Variants in SLC26A4 observed in about 807,000 individuals in gnomAD.
SLC26A4 encodes the protein pendrin.
Under a neutral mutation model 90.4 loss-of-function variants are expected in SLC26A4, and 93 were observed. The ratio of observed to expected loss-of-function variants is 1.03; its 90% confidence interval spans 0.87 to 1.22. The LOEUF is 1.22. Among genes scored for constraint, SLC26A4 ranks in the 50% most tolerant of loss-of-function variants. SLC26A4 has a pLI of 0.00. For missense variants in SLC26A4, 1,127 were observed against 946.2 expected (o/e 1.19, Z -2.51); for synonymous variants, 393 against 354.6 (o/e 1.11, Z -1.22).
At chr7:107,714,379 C>T (rs1792282604) in intron 20 of SLC26A4, among the ~76,000 whole-genome samples, 1 of 152,172 alleles carries the variant, frequency 6.6e-6, no homozygotes, top group Admixed American at 6.5e-5. Flanking sequence ...ATAGTGAAAT[C>T]AGGCAGTAAG....
chr7:107,674,848 G>C, intron 5 of SLC26A4, 97 bp from the exon 6 acceptor site: 1 of 1,164,456 alleles, frequency 8.6e-7, no homozygotes, highest in African/African-American at 1.5e-5. Flanking sequence ...CAGGCTACTA[G>C]TGTTTTCATT....
Position 107,661,857 on chromosome 7 carries a change from C to G in SLC26A4, c.164+52C>G. ...GAGAAGCGGAGCGGGGCGTCCACGC[C>G]TTGGGGAGGGAAGGGCGTCCCCAGC... On this transcript the variant is annotated intron_variant, in intron 2 of 20. Transcript: ENST00000644269. The surrounding 1 kb of genome is among the most constrained non-coding windows in gnomAD (Gnocchi z 5.1). 2.6e-6 allele frequency: 4 copies of G among 1,511,310 alleles called. No individual in the cohort carries two copies. The South Asian group carries it at 3.6e-5, about 14-fold the overall frequency. The allele number at this position is 1,511,310 out of a possible 1,614,324, so 93.6% of individuals were successfully genotyped here.
chr7:107,715,294 T>A (rs1245002063), intron 20 of SLC26A4, 129 bp from the exon 21 acceptor site: 2 of 806,268 alleles, frequency 2.5e-6, no homozygotes, highest in Admixed American at 3.5e-5. Flanking sequence ...ATTTCTATTG[T>A]GATGATATAC....
Position 107,661,874 on chromosome 7 carries a change from G to T in SLC26A4, c.164+69G>T, listed in dbSNP as rs560404211. 47 of 1,474,902 alleles carry T rather than the reference G, an allele frequency of 3.2e-5. No homozygotes were observed. Among genetic ancestry groups the T allele is most frequent in the Non-Finnish European group, 3.9e-5 (43 of 1,104,154 alleles). The allele number at this position is 1,474,902 out of a possible 1,614,324, so 91.4% of individuals were successfully genotyped here. ...GTCCACGCCTTGGGGAGGGAAGGGCGTCCCCAGCGGGCGAGAGTGGGGTGC... is the reference window on the plus strand; with the variant it reads ...GTCCACGCCTTGGGGAGGGAAGGGCTTCCCCAGCGGGCGAGAGTGGGGTGC... On this transcript the variant is annotated intron_variant, in intron 2 of 20. Transcript: ENST00000644269. This position sits in a 1 kb window ranked among gnomAD's most constrained non-coding sequence, Gnocchi z 5.1.
chr7:107,710,532 T>C (rs1792154667), intron 19 of SLC26A4, among the ~76,000 whole-genome samples: 1 of 152,244 alleles, frequency 6.6e-6, no homozygotes, highest in South Asian at 2.1e-4. Context: ...CTGGGATTTG[T>C]GTACATAAAT....
intron 20 of SLC26A4, among the ~76,000 whole-genome samples, chr7:107,714,170 C>G (rs1378407220): frequency 1.3e-5 from 2 of 152,082 alleles, no homozygotes; most frequent in Non-Finnish European, 2.9e-5. Context: ...AAGTAATCCA[C>G]CTGCCTTGCC....
chr7:107,690,170 C>T lies in SLC26A4; in HGVS notation c.1196C>T (p.Ser399Phe), dbSNP rs1178472333. ...AGCAACATCTTCTCAGGATTCTTCT[C>T]TTGTTTTGTGGCCACCACTGCTCTT... ...GISNIFSGFF[S>F]CFVATTALSR... is the part of the protein sequence containing the mutation. Residue 399 changes from serine to phenylalanine, a missense_variant, in exon 10 of 21, where the codon TCT becomes TTT. Coordinates refer to ENST00000644269, the MANE Select transcript of SLC26A4 (RefSeq NM_000441.2). 4 of 1,613,592 alleles carry T rather than the reference C, an allele frequency of 2.5e-6. No homozygotes were observed. In the East Asian group the frequency reaches 8.9e-5, roughly 36 times the overall value.
chr7:107,700,284 C>T (rs1479615745), intron 15 of SLC26A4, 109 bp downstream of exon 15: 1 of 695,618 alleles, frequency 1.4e-6, no homozygotes, highest in Non-Finnish European at 2.6e-6. Context: ...ACCCTCTTCC[C>T]TTTGTGTAGG....
chr7:107,693,806 C>A, intron 10 of SLC26A4: 3 of 690,334 alleles, frequency 4.3e-6, no homozygotes, highest in Non-Finnish European at 5.4e-6. Context: ...GTGGAACTGT[C>A]AGAGGAGGCA....
intron 13 of SLC26A4, 93 bp downstream of exon 13, chr7:107,696,132 T>A: frequency 1.2e-6 from 1 of 812,204 alleles, no homozygotes; most frequent in Non-Finnish European, 2.2e-6. Context: ...AGCCACTTTC[T>A]TTCGTTATAG....
In SLC26A4 at chr7:107,661,081, G is replaced by T. The variant is rs1790530698; in HGVS notation, c.-4+226G>T. The stretch of plus-strand genomic sequence containing the variant: ...TTCTGCCCCCGAGAGGGCTGCGACA[G>T]CTGCTGGAATGTGCCTGCAGCGTCC... On this transcript the variant is annotated intron_variant, in intron 1 of 20. Coordinates refer to ENST00000644269, the MANE Select transcript of SLC26A4 (RefSeq NM_000441.2). This position sits in a 1 kb window ranked among gnomAD's most constrained non-coding sequence, Gnocchi z 5.1. The T allele has an allele frequency of 6.5e-6, 1 of 153,894 alleles. No individual in the cohort carries two copies. Among genetic ancestry groups the T allele is most frequent in the Admixed American group, 6.5e-5 (1 of 15,396 alleles). The allele number at this position is 153,894 out of a possible 1,614,324, so 9.5% of individuals were successfully genotyped here. A position where few individuals can be genotyped will look rare whatever the true frequency, so the allele number is the denominator to read the frequency against.
chr7:107,714,422 C>G (rs1792284282), intron 20 of SLC26A4, among the ~76,000 whole-genome samples: 1 of 152,168 alleles, frequency 6.6e-6, no homozygotes, highest in Non-Finnish European at 1.5e-5. Context: ...GGAGGAAATA[C>G]ATTGCTAGAG....
At chr7:107,665,470 C>A (rs1312215973) in intron 3 of SLC26A4, among the ~76,000 whole-genome samples, 1 of 152,136 alleles carries the variant, frequency 6.6e-6, no homozygotes, top group Non-Finnish European at 1.5e-5. Flanking sequence ...CATGGTGACA[C>A]CCTGTGACTC....
intron 9 of SLC26A4, among the ~76,000 whole-genome samples, chr7:107,689,652 C>T (rs1175217642): frequency 6.6e-6 from 1 of 152,126 alleles, no homozygotes; most frequent in African/African-American, 2.4e-5. Context: ...GATACATTGC[C>T]AGGTAAGCTG....
At position 107,690,144 on chromosome 7, in the gene SLC26A4, C is replaced by G. The variant is rs1424126249; in HGVS notation, c.1170C>G (p.Ile390Met). 1 of 1,610,188 alleles carries G rather than the reference C, an allele frequency of 6.2e-7. No homozygotes were observed. The highest frequency in any genetic ancestry group is 8.5e-7 in the Non-Finnish European group (1 of 1,176,420). Residue 390 changes from isoleucine to methionine, a missense_variant, in exon 10 of 21, where the codon ATC (isoleucine) becomes ATG (methionine). By Grantham distance (10) the Ile-to-Met change is conservative. Transcript: ENST00000644269. ...CTTAGGAATTCATTGCCTTTGGGAT[C>G]AGCAACATCTTCTCAGGATTCTTCT... ...DGNQEFIAFG[I>M]SNIFSGFFSC...
intron 6 of SLC26A4, 63 bp from the exon 7 acceptor site, chr7:107,683,139 C>CGT (rs931514563): frequency 6.2e-5 from 69 of 1,117,654 alleles, no homozygotes; most frequent in Non-Finnish European, 8.4e-5. Context: ...TGTGTGTGTG[C>CGT]GTGTGTGTGT....
At chr7:107,673,439 A>G (rs1466321743) in intron 4 of SLC26A4, among the ~76,000 whole-genome samples, 1 of 152,152 alleles carries the variant, frequency 6.6e-6, no homozygotes, top group East Asian at 1.9e-4. Flanking sequence ...ACTCAGATCC[A>G]CAGAGATCAG....
rs763984769 is a variant in SLC26A4 at position 107,663,365 on chromosome 7, C to T, written c.234C>T (p.Tyr78=). The T allele has an allele frequency of 1.9e-6, 3 of 1,614,094 alleles. No individual in the cohort carries two copies. In the Admixed American group the frequency reaches 5.0e-5, roughly 27 times the overall value. The change falls in exon 3 of 21, where the codon TAC becomes TAT. Residue 78 remains tyrosine (Y), a synonymous_variant. Coordinates refer to ENST00000644269, the MANE Select transcript of SLC26A4 (RefSeq NM_000441.2). ...LVPILEWLPK[Y]RVKEWLLSDV... is the part of the protein sequence containing the mutation. Reference sequence around the variant, plus strand: ...CCATCTTGGAGTGGCTCCCCAAATACCGAGTCAAGGAATGGCTGCTTAGTG... The same window carrying T: ...CCATCTTGGAGTGGCTCCCCAAATATCGAGTCAAGGAATGGCTGCTTAGTG...
Position 107,701,911 on chromosome 7 carries a change from C to T in SLC26A4, c.1888C>T (p.Pro630Ser), listed in dbSNP as rs1791898981. The T allele has an allele frequency of 6.2e-7, 1 of 1,613,200 alleles. No homozygotes were observed. Among genetic ancestry groups the T allele is most frequent in the Middle Eastern group, 1.7e-4 (1 of 6,060 alleles). The change falls in exon 17 of 21, where the codon CCA becomes TCA. Residue 630 changes from proline (P) to serine (S), a missense_variant. Pro to Ser is a moderately conservative substitution (Grantham distance 74). Coordinates refer to ENST00000644269, the MANE Select transcript of SLC26A4 (RefSeq NM_000441.2). ...DIEDLEELDI[P>S]TKEIEIQVDW... The stretch of plus-strand genomic sequence containing the variant: ...TGAAGATCTGGAGGAACTTGATATC[C>T]CAACCAAGGAAATAGAGATTCAAGT...
Sources: gnomAD v4.1 joint callset for allele counts (sites outside exome capture counted in the v4.1 genomes callset) on GRCh38, gnomAD v4.1.1 for gene constraint, Gnocchi (gnomAD v3.1) non-coding constraint, MANE v1.5 for transcripts, NCBI Gene and HGNC (gene_info 2026-07-23, HGNC 2026-07-21) for gene names.